PKD1L3: variants seen among roughly 807,000 people sequenced by gnomAD.
PKD1L3 encodes polycystin 1 like 3, transient receptor potential channel interacting.
PKD1L3 carries 239 observed loss-of-function variants against 184.1 expected under a neutral mutation model. The ratio of observed to expected loss-of-function variants is 1.30; its 90% CI spans 1.17 to 1.45. The LOEUF is 1.45. Among genes scored for constraint, PKD1L3 ranks in the 40% most tolerant of loss-of-function variants. PKD1L3 has a pLI of 0.00. For synonymous variants in PKD1L3, 996 were observed against 778.8 expected (o/e 1.28, Z -4.64); for missense variants, 2,660 against 2,067.2 (o/e 1.29, Z -5.56).
At position 71,990,294 on chromosome 16, in the gene PKD1L3, G is replaced by C. The variant is rs772468325; in HGVS notation, c.571C>G (p.Leu191Val). ...GHLPTTCHYP[L>V]PAHLSKTLCH... ...GAAGCACTTACAAGATGAGCAGGAA[G>C]AGGATAGTGACATGTGGTTGGAAGA... is the stretch of plus-strand genomic sequence containing the variant. The change falls in exon 4 of 30, where the codon CTT (leucine) becomes GTT (valine). Residue 191 changes from leucine (L) to valine (V), a missense_variant. By Grantham distance (32) the Leu-to-Val change is conservative. Transcript: ENST00000620267. 7.8e-6 allele frequency: 12 copies of C among 1,548,388 alleles called. No homozygotes were observed. In the Admixed American group the frequency reaches 2.4e-4, roughly 30 times the overall value.
chr16:71,934,088 CAG>C lies in PKD1L3; in HGVS notation c.4649_4650del (p.Ser1550CysfsTer24), dbSNP rs1406735461. 6.4e-7 allele frequency: 1 copy of C among 1,551,940 alleles called. No individual in the cohort carries two copies. Among genetic ancestry groups the C allele is most frequent in the East Asian group, 2.4e-5 (1 of 40,922 alleles). ...GGGAAGCCCACAAGGTGAGTCGCAG[CAG>C]AGTTCACTTTTACTGCCTCATAGAA... ...ISFYEAVKVN[S>X]AATHLVGFPV... On this transcript the variant is annotated frameshift_variant, in exon 27 of 30. Transcript: ENST00000620267. LOFTEE classifies it high-confidence loss of function.
At chr16:71,970,492 T>C (rs893476639) in intron 12 of PKD1L3, among the ~76,000 whole-genome samples, 2 of 152,292 alleles carry the variant, frequency 1.3e-5, no homozygotes, top group East Asian at 1.9e-4. Flanking sequence ...GGCAAACTGA[T>C]TGAATTCTAT....
chr16:71,979,796 A>C lies in PKD1L3; in HGVS notation c.1388T>G (p.Val463Gly). The stretch of plus-strand genomic sequence containing the variant: ...CAATTTCACACTCACTTGGACATTA[A>C]CTCCTGGATGTTTATTCAAGAGCTC... The part of the protein sequence containing the change: ...LKELLNKHPG[V>G]NVQITGLAFN... The change falls in exon 9 of 30, where the codon GTT (valine) becomes GGT (glycine). Residue 463 changes from valine to glycine, a missense_variant. Physicochemically the swap from Val to Gly is moderately radical, Grantham distance 109 (BLOSUM62 -3). Transcript: ENST00000620267. 6.7e-7 allele frequency: 1 copy of C among 1,502,346 alleles called. No individual in the cohort carries two copies. The highest frequency in any genetic ancestry group is 8.9e-7 in the Non-Finnish European group (1 of 1,129,854). 93.1% of individuals were successfully genotyped at this position (1,502,346 alleles called of 1,614,324 possible).
At chr16:71,945,569 T>G (rs2038571356) in intron 22 of PKD1L3, among the ~76,000 whole-genome samples, 1 of 151,348 alleles carries the variant, frequency 6.6e-6, no homozygotes, top group Non-Finnish European at 1.5e-5. Flanking sequence ...TCACAGCTAC[T>G]CGGGAGGCTG....
chr16:71,994,816 T>C (rs548089961), intron 2 of PKD1L3, among the ~76,000 whole-genome samples: 2 of 152,042 alleles, frequency 1.3e-5, no homozygotes, highest in Admixed American at 1.3e-4. Flanking sequence ...CTGGCCAGGA[T>C]GGTGAAACCG....
intron 5 of PKD1L3, among the ~76,000 whole-genome samples, chr16:71,985,634 A>T (rs2040329648): frequency 6.6e-6 from 1 of 152,104 alleles, no homozygotes; most frequent in African/African-American, 2.4e-5. Context: ...AAGGTCTCAT[A>T]AAGTTGCCTA....
chr16:71,930,397 T>G, intron 28 of PKD1L3: 1 of 392,140 alleles, frequency 2.6e-6, no homozygotes, highest in Non-Finnish European at 4.4e-6. Context: ...TAATTGTGAC[T>G]GCAGGGCTTT....
intron 6 of PKD1L3, among the ~76,000 whole-genome samples, chr16:71,983,314 G>C (rs1036067642): frequency 9.9e-5 from 15 of 151,814 alleles, no homozygotes; most frequent in Non-Finnish European, 2.2e-4. Context: ...ACCCAGTTAA[G>C]TTTTGTATTT....
At chr16:71,976,490 C>G (rs2039929768) in intron 11 of PKD1L3, among the ~76,000 whole-genome samples, 1 of 151,172 alleles carries the variant, frequency 6.6e-6, no homozygotes, top group Non-Finnish European at 1.5e-5. Flanking sequence ...CTCCTGACCT[C>G]AGGTGATCCA....
intron 29 of PKD1L3, 111 bp downstream of exon 29, chr16:71,929,941 G>GAAT: frequency 7.8e-7 from 1 of 1,278,552 alleles, no homozygotes; most frequent in Non-Finnish European, 1.1e-6. Flanking sequence ...CTAATAAAGG[G>GAAT]AATATGATAC....
At chr16:71,976,801 G>T (rs2039942335) in intron 11 of PKD1L3, among the ~76,000 whole-genome samples, 3 of 152,122 alleles carry the variant, frequency 2.0e-5, no homozygotes, top group African/African-American at 7.2e-5. Context: ...GGAGTGCAGT[G>T]GCACGGTGTC....
rs998437939 is a variant in PKD1L3, at chr16:71,977,311, C to G, written c.1684G>C (p.Gly562Arg). Residue 562 changes from glycine to arginine, a missense_variant, in exon 11 of 30, where the codon GGG becomes CGG. Coordinates refer to ENST00000620267, the MANE Select transcript of PKD1L3 (RefSeq NM_181536.2). Reference sequence around the variant, plus strand: ...GTGCAGTTAGGCTGATACTGGAACCCCAGGTAGAGTGTCATTAAAAGGGGA... The same window carrying G: ...GTGCAGTTAGGCTGATACTGGAACCGCAGGTAGAGTGTCATTAAAAGGGGA... ...DSPLLMTLYL[G>R]FQYQPNCTHF... The G allele has an allele frequency of 7.8e-6, 12 of 1,544,852 alleles. No individual in the cohort carries two copies. In the African/African-American group the frequency reaches 9.6e-5, roughly 12 times the overall value.
intron 2 of PKD1L3, among the ~76,000 whole-genome samples, chr16:71,994,131 A>G (rs552438555): frequency 6.6e-6 from 1 of 152,262 alleles, no homozygotes; most frequent in South Asian, 2.1e-4. Context: ...CACACACACA[A>G]TTGGACATGG....
chr16:71,943,099 C>T (rs908607990), intron 23 of PKD1L3, 75 bp from the exon 24 acceptor site: 1 of 1,237,842 alleles, frequency 8.1e-7, no homozygotes, highest in Non-Finnish European at 1.1e-6. Context: ...TTCATTTTTC[C>T]TAAGTCTATA....
intron 15 of PKD1L3, among the ~76,000 whole-genome samples, chr16:71,964,117 C>CCA (rs34499871): frequency 0.28 from 42,263 of 151,782 alleles, 6,159 homozygotes; most frequent in South Asian, 0.41. Context: ...CTTTTCCCAA[C>CCA]CAGTGTTTTA....
chr16:71,988,033 G>A (rs1045089521), intron 4 of PKD1L3, among the ~76,000 whole-genome samples: 10 of 151,168 alleles, frequency 6.6e-5, no homozygotes, highest in African/African-American at 2.4e-4. Flanking sequence ...TATTTTTAAT[G>A]AGGCAGGAAG....
chr16:71,929,662 ATTAGTGCAGCT>A lies in PKD1L3; in HGVS notation c.5064_5074del (p.Glu1688AspfsTer23). The A allele has an allele frequency of 6.5e-7, 1 of 1,549,744 alleles. No homozygotes were observed. The highest frequency in any genetic ancestry group is 8.7e-7 in the Non-Finnish European group (1 of 1,146,304). ...TGAGAGCTTCTGTAGCAGTGTATCT[ATTAGTGCAGCT>A]TCTTTCTGAGTATTGAAGACAAAAA... On this transcript the variant is annotated frameshift_variant, in exon 30 of 30. Coordinates refer to ENST00000620267, the MANE Select transcript of PKD1L3 (RefSeq NM_181536.2). LOFTEE classifies it low-confidence loss of function (END_TRUNC).
At chr16:71,982,273 G>A in intron 6 of PKD1L3, 38 bp from the exon 7 acceptor site, 9 of 534,546 alleles carry the variant, frequency 1.7e-5, no homozygotes, top group Non-Finnish European at 2.4e-5. Context: ...CCCTTGAATT[G>A]TTTGCTTTTT....
intron 5 of PKD1L3, 94 bp from the exon 6 acceptor site, chr16:71,984,261 T>TGAA: frequency 7.6e-7 from 1 of 1,315,608 alleles, no homozygotes; most frequent in Non-Finnish European, 1.0e-6. Flanking sequence ...TGACCTTGGG[T>TGAA]AACTTTATAA....
Sources: gnomAD v4.1 joint callset for allele counts (sites outside exome capture counted in the v4.1 genomes callset) on GRCh38, gnomAD v4.1.1 for gene constraint, MANE v1.5 for transcripts, NCBI Gene and HGNC (gene_info 2026-07-23, HGNC 2026-07-21) for gene names.